Variants in IMMP1L observed in about 807,000 individuals in gnomAD.
IMMP1L encodes the protein inner mitochondrial membrane peptidase subunit 1.
Under a neutral mutation model 21.8 loss-of-function variants are expected in IMMP1L, and 24 were observed. The observed-to-expected ratio is 1.10, with a 90% CI of 0.80 to 1.55. IMMP1L has a LOEUF of 1.55. IMMP1L is among the 40% of genes most tolerant of loss of function. The probability of loss-of-function intolerance (pLI) is 0.00; values close to 1 mark genes in which losing one functional copy is unlikely to be tolerated. For synonymous variants in IMMP1L, 46 were observed against 62.8 expected, an observed-to-expected ratio of 0.73 and a Z score of 1.26; for missense variants, 195 against 200.7, an observed-to-expected ratio of 0.97 and a Z score of 0.17.
At chr11:31,490,428 C>A (rs1955217447) in intron 1 of IMMP1L, among the ~76,000 whole-genome samples, 1 of 149,598 alleles carries the variant, frequency 6.7e-6, no homozygotes. Flanking sequence ...GCTGAGATAG[C>A]ATCATTGCAC....
intron 1 of IMMP1L, among the ~76,000 whole-genome samples, chr11:31,471,346 G>A (rs1246694233): frequency 6.6e-6 from 1 of 152,132 alleles, no homozygotes; most frequent in East Asian, 1.9e-4. Flanking sequence ...TCCCTCTGAA[G>A]TGTTCCCTGA....
chr11:31,476,815 G>A (rs1954745863), intron 1 of IMMP1L, among the ~76,000 whole-genome samples: 1 of 151,830 alleles, frequency 6.6e-6, no homozygotes. Flanking sequence ...ATATTGGATC[G>A]TGTTAGAAAA....
At position 31,463,299 on chromosome 11, in the gene IMMP1L, C is replaced by T. The variant is rs759231886; in HGVS notation, c.-23G>A. The stretch of plus-strand genomic sequence containing the variant: ...CATAGTTCTATGTAGACTCTGCCAC[C>T]ATTGGCCTGATGGTAAATTTCAAAA... On this transcript the variant is annotated 5_prime_UTR_variant, in exon 2 of 6. The change abolishes an upstream ATG in the 5' untranslated region. Coordinates refer to ENST00000532287, the MANE Select transcript of IMMP1L (RefSeq NM_001304274.2). The T allele has an allele frequency of 1.9e-6, 3 of 1,574,868 alleles. No individual in the cohort carries two copies. In the South Asian group the frequency reaches 3.6e-5, roughly 19 times the overall value.
chr11:31,509,260 C>G (rs551648675), intron 1 of IMMP1L, among the ~76,000 whole-genome samples: 2 of 152,244 alleles, frequency 1.3e-5, no homozygotes, highest in African/African-American at 4.8e-5. Flanking sequence ...CAGCAACCAA[C>G]TCATTAAGGT....
intron 1 of IMMP1L, among the ~76,000 whole-genome samples, chr11:31,465,746 A>C (rs993026677): frequency 1.3e-5 from 2 of 152,060 alleles, no homozygotes; most frequent in Admixed American, 6.6e-5. Flanking sequence ...CCACATGTAG[A>C]AGGACAAAAC....
intron 2 of IMMP1L, among the ~76,000 whole-genome samples, chr11:31,461,266 T>A (rs1462148518): frequency 2.0e-5 from 3 of 152,168 alleles, no homozygotes; most frequent in African/African-American, 7.2e-5. Flanking sequence ...AATGTTCTAC[T>A]GAAAAATACT....
rs559322194 is a variant in IMMP1L, at chr11:31,479,762, C to T, written c.-29-16457G>A. On this transcript the variant is annotated intron_variant, in intron 1 of 5. Transcript: ENST00000532287. The stretch of plus-strand genomic sequence containing the variant: ...CATATTATGTTTCTAATGGAAAGCA[C>T]CACTTTAGCAGGTCTTATATTTTCC... Among the ~76,000 whole-genome samples, 11 of 152,064 alleles carry T rather than the reference C, an allele frequency of 7.2e-5. 1 individual carries two copies. In the South Asian group the frequency reaches 2.3e-3, roughly 32 times the overall value.
intron 1 of IMMP1L, among the ~76,000 whole-genome samples, chr11:31,490,533 G>A (rs1469378560): frequency 6.6e-6 from 1 of 150,958 alleles, no homozygotes; most frequent in African/African-American, 2.4e-5. Context: ...TAAAGTCTGA[G>A]AAGAAAAGTG....
chr11:31,464,830 T>C (rs949093327), intron 1 of IMMP1L, among the ~76,000 whole-genome samples: 3 of 152,052 alleles, frequency 2.0e-5, no homozygotes, highest in Admixed American at 1.3e-4. Flanking sequence ...CCACAGCTAA[T>C]ATCATACTTA....
chr11:31,473,829 A>T (rs1157270358), intron 1 of IMMP1L: 1 of 659,200 alleles, frequency 1.5e-6, no homozygotes, highest in Non-Finnish European at 1.9e-6. Flanking sequence ...CAGGAAAAAT[A>T]TATATATACA....
intron 1 of IMMP1L, among the ~76,000 whole-genome samples, chr11:31,477,946 T>G (rs144754736): frequency 6.6e-6 from 1 of 152,318 alleles, no homozygotes; most frequent in East Asian, 1.9e-4. Flanking sequence ...GTTGGTCTTG[T>G]CTTCCAAAAA....
intron 1 of IMMP1L, among the ~76,000 whole-genome samples, chr11:31,493,882 C>T (rs1399388182): frequency 6.6e-6 from 1 of 152,214 alleles, no homozygotes; most frequent in African/African-American, 2.4e-5. Flanking sequence ...GTCTCATATC[C>T]AGGTCACACT....
intron 1 of IMMP1L, among the ~76,000 whole-genome samples, chr11:31,497,403 G>C (rs919339295): frequency 6.6e-6 from 1 of 151,648 alleles, no homozygotes; most frequent in Non-Finnish European, 1.5e-5. Flanking sequence ...CAGGTTATTA[G>C]TGGTTGAAAC....
At chr11:31,503,002 CTT>C (rs1955670107) in intron 1 of IMMP1L, among the ~76,000 whole-genome samples, 1 of 152,136 alleles carries the variant, frequency 6.6e-6, no homozygotes. Context: ...TATACAATGG[CTT>C]TTTAAGTTTT....
At chr11:31,464,344 C>T (rs984720093) in intron 1 of IMMP1L, among the ~76,000 whole-genome samples, 1 of 152,066 alleles carries the variant, frequency 6.6e-6, no homozygotes, top group Non-Finnish European at 1.5e-5. Context: ...GATGGTTTTA[C>T]CTCTGAATTC....
intron 1 of IMMP1L, among the ~76,000 whole-genome samples, chr11:31,475,048 C>A (rs1472510584): frequency 2.0e-5 from 3 of 152,140 alleles, no homozygotes; most frequent in African/African-American, 7.2e-5. Flanking sequence ...ACAAAATTTA[C>A]CCATTCATTA....
chr11:31,501,980 A>AAAAAAG (rs1020719730), intron 1 of IMMP1L, among the ~76,000 whole-genome samples: 6 of 151,894 alleles, frequency 4.0e-5, no homozygotes, highest in African/African-American at 1.4e-4. Context: ...TGTCTCAAAA[A>AAAAAAG]AAAAAGAAAA....
At chr11:31,436,128 T>C (rs1953108523) in intron 4 of IMMP1L, among the ~76,000 whole-genome samples, 1 of 152,198 alleles carries the variant, frequency 6.6e-6, no homozygotes, top group Non-Finnish European at 1.5e-5. Context: ...GTATTTCTTA[T>C]ATAATACAAA....
chr11:31,457,520 A>G (rs1440248969), intron 3 of IMMP1L, among the ~76,000 whole-genome samples: 1 of 152,208 alleles, frequency 6.6e-6, no homozygotes, highest in Non-Finnish European at 1.5e-5. Context: ...CATATGTCAA[A>G]ATAATATTAA....
Sources: allele counts gnomAD v4.1 joint callset (sites outside exome capture counted in the v4.1 genomes callset), GRCh38; gene constraint gnomAD v4.1.1; transcripts MANE v1.5; gene names NCBI Gene and HGNC (gene_info 2026-07-23, HGNC 2026-07-21).